The following DLGAP2 variants were observed in gnomAD, a reference collection of about 807,000 sequenced individuals.
DLGAP2 encodes disks large-associated protein 2.
DLGAP2 carries 26 observed loss-of-function variants against 100.3 expected under a neutral mutation model. The ratio of observed to expected loss-of-function variants is 0.26; its 90% CI spans 0.19 to 0.36. The LOEUF (loss-of-function observed/expected upper bound fraction) is 0.36, where lower values mean the gene tolerates loss of function less well. DLGAP2 is among the 10% of genes least tolerant of loss of function. DLGAP2 has a pLI of 1.00. For synonymous variants in DLGAP2, 886 were observed against 630.1 expected, an observed-to-expected ratio of 1.41 and a Z score of -6.08; for missense variants, 1,858 against 1,453.2, an observed-to-expected ratio of 1.28 and a Z score of -4.53.
At chr8:1,147,123 G>C (rs777435898) in intron 2 of DLGAP2, among the ~76,000 whole-genome samples, 1 of 152,136 alleles carries the variant, frequency 6.6e-6, no homozygotes, top group South Asian at 2.1e-4. Flanking sequence ...CATTGACATG[G>C]TAGTTTCTTC....
intron 2 of DLGAP2, among the ~76,000 whole-genome samples, chr8:1,183,700 C>T (rs1262550665): frequency 1.3e-5 from 2 of 152,196 alleles, no homozygotes; most frequent in Non-Finnish European, 2.9e-5. Flanking sequence ...GCTTCCACCC[C>T]AGTCCTCATT....
intron 2 of DLGAP2, among the ~76,000 whole-genome samples, chr8:1,079,449 A>G (rs1181647580): frequency 6.6e-6 from 1 of 152,216 alleles, no homozygotes; most frequent in Non-Finnish European, 1.5e-5. Flanking sequence ...AAAAAAATTA[A>G]AGTCAGATTA....
At chr8:1,188,829 T>G (rs1026713216) in intron 2 of DLGAP2, among the ~76,000 whole-genome samples, 4 of 152,230 alleles carry the variant, frequency 2.6e-5, no homozygotes, top group African/African-American at 9.6e-5. Flanking sequence ...GATGTGCCTT[T>G]TTTTAGGAAA....
chr8:1,257,354 T>G (rs1210875818), intron 2 of DLGAP2, among the ~76,000 whole-genome samples: 1 of 152,050 alleles, frequency 6.6e-6, no homozygotes, highest in Non-Finnish European at 1.5e-5. Context: ...CTAACTTTTA[T>G]TTTGAACAAC....
At chr8:1,632,099 A>C (rs1797661832) in intron 7 of DLGAP2, among the ~76,000 whole-genome samples, 1 of 149,132 alleles carries the variant, frequency 6.7e-6, no homozygotes, top group African/African-American at 2.4e-5. Flanking sequence ...CAGGGGAGGA[A>C]GGATGGAAGG....
At chr8:933,496 A>AGGGG (rs1799007398) in intron 2 of DLGAP2, among the ~76,000 whole-genome samples, 14 of 94,984 alleles carry the variant, frequency 1.5e-4, no homozygotes, top group Non-Finnish European at 1.1e-4. Context: ...CTGTGGGCAC[A>AGGGG]AGGGTGAGGG....
At chr8:781,151 A>T (rs138952994) in intron 1 of DLGAP2, among the ~76,000 whole-genome samples, 41 of 152,132 alleles carry the variant, frequency 2.7e-4, no homozygotes, top group Non-Finnish European at 5.1e-4. Flanking sequence ...AAGAATTTGT[A>T]GTCTTTTTTT....
intron 12 of DLGAP2, among the ~76,000 whole-genome samples, chr8:1,690,792 C>T (rs1799240848): frequency 1.3e-5 from 2 of 151,180 alleles, no homozygotes; most frequent in African/African-American, 4.9e-5. Context: ...TTAATTCTTC[C>T]TACTGAACTG....
At chr8:1,000,737 A>T (rs1483717158) in intron 2 of DLGAP2, among the ~76,000 whole-genome samples, 1 of 152,082 alleles carries the variant, frequency 6.6e-6, no homozygotes, top group Non-Finnish European at 1.5e-5. Flanking sequence ...ATCTTTACTC[A>T]ACGTCGACTG....
intron 2 of DLGAP2, among the ~76,000 whole-genome samples, chr8:1,194,675 T>A (rs1257160930): frequency 6.6e-6 from 1 of 152,230 alleles, no homozygotes; most frequent in African/African-American, 2.4e-5. Flanking sequence ...GAAACTCACC[T>A]GACCACAGGG....
chr8:922,988 G>A (rs1241475237), intron 2 of DLGAP2, among the ~76,000 whole-genome samples: 1 of 152,118 alleles, frequency 6.6e-6, no homozygotes, highest in African/African-American at 2.4e-5. Context: ...GGGCTCTGAT[G>A]GATGCTTGTT....
At chr8:938,285 A>T (rs1663823136) in intron 2 of DLGAP2, among the ~76,000 whole-genome samples, 1 of 151,994 alleles carries the variant, frequency 6.6e-6, no homozygotes, top group South Asian at 2.1e-4. Flanking sequence ...ACAGCCCAGA[A>T]CTCCCAGGCT....
chr8:1,575,839 T>G (rs1190162689), intron 6 of DLGAP2, among the ~76,000 whole-genome samples: 3 of 152,050 alleles, frequency 2.0e-5, no homozygotes, highest in Non-Finnish European at 4.4e-5. Context: ...GGTGTATATG[T>G]GCCACATTTT....
At chr8:1,082,475 CTCTCAGAGGAAACTG>C (rs905908094) in intron 2 of DLGAP2, among the ~76,000 whole-genome samples, 6 of 152,198 alleles carry the variant, frequency 3.9e-5, no homozygotes, top group African/African-American at 1.4e-4. Flanking sequence ...GGTGCCGTGG[CTCTCAGAGGAAACTG>C]ATAGCAAACT....
chr8:895,609 T>C (rs1798129452), intron 1 of DLGAP2, among the ~76,000 whole-genome samples: 1 of 152,192 alleles, frequency 6.6e-6, no homozygotes, highest in Non-Finnish European at 1.5e-5. Flanking sequence ...TTTGGGGCCA[T>C]TGCAGTGGGT....
chr8:1,143,025 A>G (rs1796548107), intron 2 of DLGAP2, among the ~76,000 whole-genome samples: 1 of 152,224 alleles, frequency 6.6e-6, no homozygotes, highest in Non-Finnish European at 1.5e-5. Context: ...GGAAGCTGGC[A>G]GGACAGCATC....
At chr8:1,059,778 C>A (rs1273211260) in intron 2 of DLGAP2, among the ~76,000 whole-genome samples, 22 of 152,114 alleles carry the variant, frequency 1.4e-4, no homozygotes, top group Admixed American at 1.4e-3. Flanking sequence ...GCAGTGGTGA[C>A]CGCAGGAACC....
intron 1 of DLGAP2, among the ~76,000 whole-genome samples, chr8:788,395 C>T (rs1314586286): frequency 6.6e-6 from 1 of 152,160 alleles, no homozygotes; most frequent in Non-Finnish European, 1.5e-5. Context: ...GTGGCCTTGG[C>T]ATCCGTGTCC....
intron 3 of DLGAP2, among the ~76,000 whole-genome samples, chr8:1,382,928 T>C (rs1407213802): frequency 6.6e-6 from 1 of 152,172 alleles, no homozygotes; most frequent in African/African-American, 2.4e-5. Context: ...TGTGTGCGTG[T>C]GTGTGTGTGT....
Sources: gnomAD v4.1 joint callset for allele counts (sites outside exome capture counted in the v4.1 genomes callset) on GRCh38, gnomAD v4.1.1 for gene constraint, MANE v1.5 for transcripts, NCBI Gene and HGNC (gene_info 2026-07-23, HGNC 2026-07-21) for gene names.